MACROD2: variants seen among roughly 807,000 people sequenced by gnomAD.
The protein encoded by MACROD2 is mono-ADP ribosylhydrolase 2, also known as ADP-ribose glycohydrolase MACROD2.
A neutral mutation model predicts 70.4 loss-of-function variants in MACROD2; 36 were observed. The ratio of observed to expected loss-of-function variants is 0.51; its 90% CI spans 0.39 to 0.68. The LOEUF is 0.68. Ranked by LOEUF, MACROD2 falls within the 30% of genes least tolerant of loss-of-function variation. The pLI, the probability that MACROD2 is intolerant of heterozygous loss-of-function variation, is 0.00. For synonymous variants in MACROD2, 172 were observed against 178.8 expected, an observed-to-expected ratio of 0.96 and a Z score of 0.30; for missense variants, 496 against 538.4, an observed-to-expected ratio of 0.92 and a Z score of 0.78.
At chr20:15,701,314 AT>A (rs1407136325) in intron 8 of MACROD2, among the ~76,000 whole-genome samples, 2 of 152,360 alleles carry the variant, frequency 1.3e-5, no homozygotes, top group East Asian at 3.9e-4. Context: ...GTACAAAAGT[AT>A]GGAGCTGATG....
At chr20:14,486,597 G>A (rs2084736364) in intron 3 of MACROD2, among the ~76,000 whole-genome samples, 1 of 130,440 alleles carries the variant, frequency 7.7e-6, no homozygotes, top group Admixed American at 9.8e-5. Context: ...TCGGCCCACC[G>A]CAACCTCCAC....
At chr20:14,093,789 A>T (rs1337839113) in intron 3 of MACROD2, among the ~76,000 whole-genome samples, 1 of 152,182 alleles carries the variant, frequency 6.6e-6, no homozygotes, top group African/African-American at 2.4e-5. Flanking sequence ...CAGTTGCTGT[A>T]CAGCAGGATG....
chr20:15,518,296 A>G (rs2047598423), intron 8 of MACROD2, among the ~76,000 whole-genome samples: 1 of 152,244 alleles, frequency 6.6e-6, no homozygotes, highest in Non-Finnish European at 1.5e-5. Context: ...AAAGCTGATG[A>G]GAAGATTGAT....
intron 2 of MACROD2, among the ~76,000 whole-genome samples, chr20:14,084,913 A>G (rs2148668939): frequency 6.6e-6 from 1 of 151,820 alleles, no homozygotes; most frequent in South Asian, 2.1e-4. Context: ...ACTTGAGGTC[A>G]GAAGTTCAAG....
chr20:14,701,614 T>C (rs1460352708), intron 5 of MACROD2, among the ~76,000 whole-genome samples: 1 of 152,200 alleles, frequency 6.6e-6, no homozygotes, highest in Non-Finnish European at 1.5e-5. Flanking sequence ...ACTTTGCTGC[T>C]GCAATTCATT....
chr20:14,521,866 G>C (rs972951324), intron 4 of MACROD2, among the ~76,000 whole-genome samples: 5 of 152,124 alleles, frequency 3.3e-5, no homozygotes, highest in Non-Finnish European at 7.4e-5. Context: ...ATATTGAAAT[G>C]ACTAATATCT....
Position 14,161,274 on chromosome 20 carries a change from G to A in MACROD2, c.271+75546G>A, listed in dbSNP as rs549646136. 3.1e-3 allele frequency among the ~76,000 whole-genome samples: 447 copies of A among 146,392 alleles called. 2 individuals carry two copies. Among genetic ancestry groups the A allele is most frequent in the African/African-American group, 0.011 (421 of 39,338 alleles). On this transcript the variant is annotated intron_variant, in intron 3 of 17. Transcript: ENST00000684519. ...ATGATCTCGGCTCACTGCAATCTCCGCCTCTTGGGTTCAAGTGATTCGCCT... is the reference window on the plus strand; with the variant it reads ...ATGATCTCGGCTCACTGCAATCTCCACCTCTTGGGTTCAAGTGATTCGCCT...
intron 3 of MACROD2, among the ~76,000 whole-genome samples, chr20:14,227,557 C>T (rs563313731): frequency 6.6e-6 from 1 of 152,122 alleles, no homozygotes; most frequent in Non-Finnish European, 1.5e-5. Flanking sequence ...CATGCACCCA[C>T]CAGAAGGAAG....
At chr20:15,426,153 A>C (rs1035142054) in intron 6 of MACROD2, among the ~76,000 whole-genome samples, 1 of 151,006 alleles carries the variant, frequency 6.6e-6, no homozygotes, top group South Asian at 2.1e-4. Flanking sequence ...CTATTGTCCT[A>C]TGACCCTGCC....
At chr20:14,230,656 ACACAGGCTGGGCC>A (rs1424577676) in intron 3 of MACROD2, among the ~76,000 whole-genome samples, 3 of 38,708 alleles carry the variant, frequency 7.8e-5, no homozygotes, top group African/African-American at 5.1e-4. Flanking sequence ...TATATATATA[ACACAGGCTGGGCC>A]TATATATATA....
chr20:14,509,896 T>G (rs544331744), intron 4 of MACROD2, among the ~76,000 whole-genome samples: 22 of 152,016 alleles, frequency 1.4e-4, no homozygotes, highest in Non-Finnish European at 2.8e-4. Context: ...AGTGCATATA[T>G]GCTGATACAG....
intron 9 of MACROD2, among the ~76,000 whole-genome samples, chr20:15,879,610 C>A (rs1339834619): frequency 2.6e-5 from 4 of 152,120 alleles, no homozygotes; most frequent in African/African-American, 9.7e-5. Flanking sequence ...CTCCTCTGCT[C>A]AAAGTTGTTT....
chr20:14,608,282 A>G (rs2123421701), intron 4 of MACROD2, among the ~76,000 whole-genome samples: 1 of 152,240 alleles, frequency 6.6e-6, no homozygotes, highest in South Asian at 2.1e-4. Context: ...AAATAAAGTT[A>G]ACAGGAAAAC....
intron 6 of MACROD2, among the ~76,000 whole-genome samples, chr20:15,311,238 C>T (rs369694916): frequency 2.0e-5 from 3 of 151,948 alleles, no homozygotes; most frequent in Non-Finnish European, 2.9e-5. Context: ...TTTTTAAGAA[C>T]GTGCAGAGAA....
chr20:14,329,751 G>A (rs1199029824), intron 3 of MACROD2, among the ~76,000 whole-genome samples: 1 of 152,050 alleles, frequency 6.6e-6, no homozygotes, highest in Non-Finnish European at 1.5e-5. Context: ...TTCTGAACAT[G>A]ATTTAACAAA....
At chr20:14,911,779 A>G (rs945192778) in intron 5 of MACROD2, among the ~76,000 whole-genome samples, 1 of 152,092 alleles carries the variant, frequency 6.6e-6, no homozygotes, top group African/African-American at 2.4e-5. Context: ...GCCAGATGCT[A>G]TTCTAAGTGT....
At position 13,998,651 on chromosome 20, in the gene MACROD2, T is replaced by G. The variant is rs1260159109; in HGVS notation, c.46+2842T>G. On this transcript the variant is annotated intron_variant, in intron 1 of 17. Transcript: ENST00000684519. ...ATCCCCCATACTAAAGAGATGACAT[T>G]GCCTTTTTAATTCACAGAGAAGGGC... 2.0e-5 allele frequency among the ~76,000 whole-genome samples: 3 copies of G among 152,106 alleles called. No individual in the cohort carries two copies. The East Asian group carries it at 5.8e-4, about 29-fold the overall frequency.
chr20:15,482,252 A>G (rs949555421), intron 7 of MACROD2, among the ~76,000 whole-genome samples: 2 of 152,214 alleles, frequency 1.3e-5, no homozygotes, highest in Non-Finnish European at 2.9e-5. Flanking sequence ...AAGGTTTTTT[A>G]CTAATAAGTA....
At chr20:14,259,973 T>C (rs1392225731) in intron 3 of MACROD2, among the ~76,000 whole-genome samples, 1 of 152,210 alleles carries the variant, frequency 6.6e-6, no homozygotes, top group Non-Finnish European at 1.5e-5. Flanking sequence ...CTAAAAGTGG[T>C]TGGGGACAAG....
Sources: allele counts gnomAD v4.1 joint callset (sites outside exome capture counted in the v4.1 genomes callset), GRCh38; gene constraint gnomAD v4.1.1; transcripts MANE v1.5; gene names NCBI Gene and HGNC (gene_info 2026-07-23, HGNC 2026-07-21).